The following TMTC1 variants were observed in gnomAD, a reference collection of about 807,000 sequenced individuals.
TMTC1 encodes transmembrane O-mannosyltransferase targeting cadherins 1.
A neutral mutation model predicts 104.8 loss-of-function variants in TMTC1; 73 were observed. The ratio of observed to expected loss-of-function variants is 0.70; its 90% CI spans 0.58 to 0.85. The LOEUF is 0.85. Ranked by LOEUF, TMTC1 falls within the 40% of genes least tolerant of loss-of-function variation. The pLI, the probability that TMTC1 is intolerant of heterozygous loss-of-function variation, is 0.00. For missense variants in TMTC1, 1,035 were observed against 1,096.1 expected (o/e 0.94, Z 0.79); for synonymous variants, 434 against 428.7 (o/e 1.01, Z -0.15).
chr12:29,619,249 C>G (rs1289090341), intron 6 of TMTC1, among the ~76,000 whole-genome samples: 1 of 152,088 alleles, frequency 6.6e-6, no homozygotes, highest in Middle Eastern at 3.2e-3. Flanking sequence ...AATGTAATTG[C>G]CTGTGAAGGC....
At chr12:29,565,802 G>A (rs925373001) in intron 9 of TMTC1, among the ~76,000 whole-genome samples, 5 of 152,060 alleles carry the variant, frequency 3.3e-5, no homozygotes, top group African/African-American at 7.2e-5. Context: ...AGTGGAGATC[G>A]CACCACCGCA....
intron 7 of TMTC1, among the ~76,000 whole-genome samples, chr12:29,599,205 C>CA (rs1555174368): frequency 6.6e-6 from 1 of 151,406 alleles, no homozygotes; most frequent in Non-Finnish European, 1.5e-5. Flanking sequence ...TTATAAAACA[C>CA]AAAAAAGATA....
intron 6 of TMTC1, among the ~76,000 whole-genome samples, chr12:29,627,034 G>A (rs568811500): frequency 1.6e-3 from 243 of 152,182 alleles, no homozygotes; most frequent in Non-Finnish European, 2.4e-3. Flanking sequence ...CCCGGGAGGC[G>A]GAGTTGCAGT....
intron 5 of TMTC1, among the ~76,000 whole-genome samples, chr12:29,655,974 A>G (rs1939734581): frequency 1.3e-5 from 2 of 152,148 alleles, no homozygotes. Context: ...CAAAGTTCCT[A>G]AATTCAGTAA....
chr12:29,714,927 G>C (rs1942035801), intron 5 of TMTC1, among the ~76,000 whole-genome samples: 2 of 152,210 alleles, frequency 1.3e-5, no homozygotes, highest in Non-Finnish European at 2.9e-5. Context: ...CAGTCCAGGA[G>C]CCATTTCTAG....
intron 5 of TMTC1, among the ~76,000 whole-genome samples, chr12:29,641,532 G>A (rs1443337125): frequency 6.6e-6 from 1 of 152,158 alleles, no homozygotes; most frequent in Non-Finnish European, 1.5e-5. Flanking sequence ...ACATCCATAG[G>A]AAATGGGGGA....
At chr12:29,593,759 A>G (rs1178074693) in intron 7 of TMTC1, among the ~76,000 whole-genome samples, 1 of 152,240 alleles carries the variant, frequency 6.6e-6, no homozygotes, top group Non-Finnish European at 1.5e-5. Context: ...TTAATACATA[A>G]TGAGGAAGCT....
intron 5 of TMTC1, among the ~76,000 whole-genome samples, chr12:29,710,657 T>C (rs1287305385): frequency 7.0e-6 from 1 of 142,060 alleles, no homozygotes; most frequent in African/African-American, 2.6e-5. Flanking sequence ...TTTTTATATT[T>C]ATATTATTTT....
intron 5 of TMTC1, among the ~76,000 whole-genome samples, chr12:29,689,356 C>T (rs371407069): frequency 2.0e-5 from 3 of 151,850 alleles, no homozygotes; most frequent in African/African-American, 2.4e-5. Context: ...ACTCTGTTGC[C>T]GAGGCTGGAG....
chr12:29,594,976 T>G (rs1164375348), intron 7 of TMTC1, among the ~76,000 whole-genome samples: 1 of 152,184 alleles, frequency 6.6e-6, no homozygotes, highest in African/African-American at 2.4e-5. Context: ...TTTCTTTGAT[T>G]TCTTTTGACT....
intron 6 of TMTC1, among the ~76,000 whole-genome samples, chr12:29,606,002 G>A (rs1205358334): frequency 6.6e-6 from 1 of 152,164 alleles, no homozygotes; most frequent in Non-Finnish European, 1.5e-5. Context: ...TCAGGATAAT[G>A]GCCTTTAACA....
intron 5 of TMTC1, among the ~76,000 whole-genome samples, chr12:29,718,758 C>T (rs10771575): frequency 0.51 from 77,727 of 151,636 alleles, 21,129 homozygotes; most frequent in African/African-American, 0.7. Flanking sequence ...ACGGTGAAAC[C>T]CCGTCTCTAC....
chr12:29,774,354 G>A (rs780557281), intron 1 of TMTC1, among the ~76,000 whole-genome samples: 12 of 152,172 alleles, frequency 7.9e-5, no homozygotes, highest in Non-Finnish European at 1.8e-4. Flanking sequence ...CAAAGCTTAA[G>A]GGAAGGCTGC....
chr12:29,615,062 C>CT (rs1946942073), intron 6 of TMTC1, among the ~76,000 whole-genome samples: 1 of 152,202 alleles, frequency 6.6e-6, no homozygotes. Context: ...CAATTAATCA[C>CT]TTTTTCATAC....
At chr12:29,725,973 G>A (rs764739455) in intron 5 of TMTC1, among the ~76,000 whole-genome samples, 13 of 152,154 alleles carry the variant, frequency 8.5e-5, no homozygotes, top group Non-Finnish European at 1.8e-4. Flanking sequence ...GAAGAATTCC[G>A]GCTTCTCCTA....
intron 6 of TMTC1, among the ~76,000 whole-genome samples, chr12:29,606,857 G>A (rs1331109399): frequency 2.0e-5 from 3 of 151,910 alleles, no homozygotes; most frequent in Non-Finnish European, 4.4e-5. Context: ...TACGGTGGGT[G>A]TTCACTTTCT....
chr12:29,508,806 G>A (rs566843923), intron 17 of TMTC1, among the ~76,000 whole-genome samples: 123 of 152,116 alleles, frequency 8.1e-4, no homozygotes, highest in African/African-American at 2.4e-3. Context: ...TCAAACCCCC[G>A]ACCTCAGGTG....
chr12:29,719,521 C>A (rs1027233954), intron 5 of TMTC1, among the ~76,000 whole-genome samples: 2 of 152,166 alleles, frequency 1.3e-5, no homozygotes, highest in Non-Finnish European at 2.9e-5. Context: ...CCCTGCATAG[C>A]CAATGTCAAT....
At chr12:29,585,367 A>T (rs1946104222) in intron 7 of TMTC1, among the ~76,000 whole-genome samples, 1 of 152,114 alleles carries the variant, frequency 6.6e-6, no homozygotes, top group Non-Finnish European at 1.5e-5. Context: ...TAGGTTGCAA[A>T]AATTTTCTCC....
Sources: allele counts gnomAD v4.1 joint callset (sites outside exome capture counted in the v4.1 genomes callset), GRCh38; gene constraint gnomAD v4.1.1; transcripts MANE v1.5; gene names NCBI Gene and HGNC (gene_info 2026-07-23, HGNC 2026-07-21).